Variants in PKP1 observed in about 807,000 individuals in gnomAD.
The protein encoded by PKP1 is plakophilin 1, also known as plakophilin-1.
PKP1 carries 27 observed loss-of-function variants against 76.4 expected under a neutral mutation model. The ratio of observed to expected loss-of-function variants is 0.35; its 90% CI spans 0.26 to 0.49. The LOEUF is 0.49. Among genes scored for constraint, PKP1 ranks in the 20% least tolerant of loss-of-function variants. The probability of loss-of-function intolerance (pLI) is 0.99; values close to 1 mark genes in which losing one functional copy is unlikely to be tolerated. For synonymous variants in PKP1, 404 were observed against 384.2 expected, an observed-to-expected ratio of 1.05 and a Z score of -0.60; for missense variants, 964 against 955.2, an observed-to-expected ratio of 1.01 and a Z score of -0.12.
intron 12 of PKP1, among the ~76,000 whole-genome samples, chr1:201,327,304 G>A (rs1330547862): frequency 1.3e-5 from 2 of 152,182 alleles, no homozygotes; most frequent in African/African-American, 2.4e-5. Context: ...GATTGGTTGA[G>A]CAGCGTGGGG....
intron 2 of PKP1, among the ~76,000 whole-genome samples, chr1:201,294,494 G>T (rs1423796424): frequency 1.3e-5 from 2 of 152,152 alleles, no homozygotes; most frequent in Non-Finnish European, 2.9e-5. Context: ...GACACTGCAT[G>T]CTAGAGTGGA....
rs370458237 is a variant in PKP1, at chr1:201,316,702, C to G, written c.846+5C>G. 85 of 1,613,464 alleles carry G rather than the reference C, an allele frequency of 5.3e-5. No individual in the cohort carries two copies. Among genetic ancestry groups the G allele is most frequent in the Non-Finnish European group, 7.0e-5 (83 of 1,180,002 alleles). On this transcript the variant is annotated splice_donor_5th_base_variant and intron_variant, in intron 4 of 13. Transcript: ENST00000367324. ...GATGAATCTGCCAAGCAACAGGTAG[C>G]TGGTTGCATACCTTCCTCCTTGGTG...
chr1:201,326,611 C>T (rs1028365396), intron 12 of PKP1, among the ~76,000 whole-genome samples: 4 of 152,198 alleles, frequency 2.6e-5, no homozygotes, highest in Non-Finnish European at 5.9e-5. Flanking sequence ...TGAGGAGAGC[C>T]TGAGAAGGCT....
chr1:201,298,370 G>T (rs111784442), intron 2 of PKP1, among the ~76,000 whole-genome samples: 2 of 152,168 alleles, frequency 1.3e-5, no homozygotes, highest in Admixed American at 6.5e-5. Context: ...TGATTTCCAG[G>T]GAATGGTTCT....
intron 1 of PKP1, among the ~76,000 whole-genome samples, chr1:201,291,512 T>C (rs1474348165): frequency 6.6e-6 from 1 of 151,894 alleles, no homozygotes; most frequent in Non-Finnish European, 1.5e-5. Flanking sequence ...GAGGAGATGG[T>C]TAGTCTGATG....
In PKP1 at chr1:201,283,735, G is replaced by T. The variant is rs1409504390; in HGVS notation, c.33G>T (p.Ala11=). 6.2e-7 allele frequency: 1 copy of T among 1,614,074 alleles called. No homozygotes were observed. The highest frequency in any genetic ancestry group is 2.2e-5 in the East Asian group (1 of 44,872). MNHSPLKTAL[A]YECFQDQDNS... is the part of the protein sequence containing the mutation. ...ACTCGCCGCTCAAGACCGCCTTGGC[G>T]TACGAATGCTTCCAGGACCAGGACA... is the stretch of plus-strand genomic sequence containing the variant. The change falls in exon 1 of 14, where the codon GCG becomes GCT. Residue 11 remains alanine, a synonymous_variant. Transcript: ENST00000367324.
At chr1:201,301,732 T>C (rs1656236073) in intron 2 of PKP1, among the ~76,000 whole-genome samples, 1 of 144,128 alleles carries the variant, frequency 6.9e-6, no homozygotes, top group Non-Finnish European at 1.5e-5. Context: ...CATTTTGGGC[T>C]TTTTTTTTTT....
intron 2 of PKP1, among the ~76,000 whole-genome samples, chr1:201,310,376 G>C (rs1358153779): frequency 6.6e-6 from 1 of 152,234 alleles, no homozygotes; most frequent in African/African-American, 2.4e-5. Flanking sequence ...CCACCCATTG[G>C]GCAACGACAA....
At chr1:201,312,305 T>C (rs899695467) in intron 2 of PKP1, among the ~76,000 whole-genome samples, 11 of 152,154 alleles carry the variant, frequency 7.2e-5, no homozygotes, top group Non-Finnish European at 1.3e-4. Flanking sequence ...CTGGCCAGAA[T>C]AGAAGTTTCT....
chr1:201,304,564 T>G (rs1396090142), intron 2 of PKP1, among the ~76,000 whole-genome samples: 1 of 152,206 alleles, frequency 6.6e-6, no homozygotes, highest in Non-Finnish European at 1.5e-5. Context: ...AACTACACAC[T>G]TCTTAAATGT....
At chr1:201,286,104 TG>T (rs1383146217) in intron 1 of PKP1, among the ~76,000 whole-genome samples, 1 of 152,220 alleles carries the variant, frequency 6.6e-6, no homozygotes, top group African/African-American at 2.4e-5. Flanking sequence ...GTCCCCTATT[TG>T]CTCTGCGGCC....
At chr1:201,324,727 G>GCTCCCTTCTCCTGTCTCC in intron 10 of PKP1, 146 bp downstream of exon 10, 2 of 1,141,922 alleles carry the variant, frequency 1.8e-6, no homozygotes, top group Non-Finnish European at 2.6e-6. Flanking sequence ...ATGGAGACAG[G>GCTCCCTTCTCCTGTCTCC]AGAAGGGAGC....
chr1:201,303,618 G>GTTTT (rs1656294968), intron 2 of PKP1, among the ~76,000 whole-genome samples: 1 of 152,074 alleles, frequency 6.6e-6, no homozygotes, highest in Non-Finnish European at 1.5e-5. Context: ...TTGTTTGTTT[G>GTTTT]TTTGTTTTAT....
At position 201,294,054 on chromosome 1, in the gene PKP1, C is replaced by T. The variant is rs748739962; in HGVS notation, c.306+9C>T. ...GCTCATGGGGATATCCGGTAAGGAA[C>T]TGCTTCCATCCTAAAAGACCTGGAG... is the stretch of plus-strand genomic sequence containing the variant. On this transcript the variant is annotated intron_variant, in intron 2 of 13. Coordinates refer to ENST00000367324, the MANE Select transcript of PKP1 (RefSeq NM_001005337.3). 1 of 1,568,574 alleles carries T rather than the reference C, an allele frequency of 6.4e-7. No homozygotes were observed. The highest frequency in any genetic ancestry group is 2.2e-5 in the East Asian group (1 of 44,656).
At chr1:201,307,501 C>G (rs1475137733) in intron 2 of PKP1, among the ~76,000 whole-genome samples, 5 of 152,190 alleles carry the variant, frequency 3.3e-5, no homozygotes, top group African/African-American at 9.7e-5. Flanking sequence ...AGATTCTCGA[C>G]CGCCTGGAGC....
At position 201,293,915 on chromosome 1, in the gene PKP1, G is replaced by C. The variant is rs367550513; in HGVS notation, c.203-27G>C. 13 of 1,487,104 alleles carry C rather than the reference G, an allele frequency of 8.7e-6. No individual in the cohort carries two copies. In the African/African-American group the frequency reaches 1.4e-4, roughly 16 times the overall value. 92.1% of individuals were successfully genotyped at this position (1,487,104 alleles called of 1,614,324 possible). ...GTGGATGAAGATCATGGCCATCCCT[G>C]TCCTAATCCCCTCCTTTCTCCTCTA... is the stretch of plus-strand genomic sequence containing the variant. On this transcript the variant is annotated intron_variant, in intron 1 of 13. Coordinates refer to ENST00000367324, the MANE Select transcript of PKP1 (RefSeq NM_001005337.3).
At chr1:201,299,763 C>T (rs996181268) in intron 2 of PKP1, among the ~76,000 whole-genome samples, 2 of 152,374 alleles carry the variant, frequency 1.3e-5, no homozygotes, top group Admixed American at 1.3e-4. Context: ...ACTTTAGCTT[C>T]ACAGACAGGG....
chr1:201,324,906 T>C lies in PKP1; in HGVS notation c.1835-35T>C, dbSNP rs1553275984. The C allele has an allele frequency of 5.0e-6, 8 of 1,600,910 alleles. No individual in the cohort carries two copies. The South Asian group carries it at 8.9e-5, about 18-fold the overall frequency. On this transcript the variant is annotated intron_variant, in intron 10 of 13. Transcript: ENST00000367324. ...CCCTCAGCCCTTCCTTCCCCAGTCA[T>C]CCTGACCCTGTGCCCCAACTCGTTC... is the stretch of plus-strand genomic sequence containing the variant.
At chr1:201,310,566 G>A (rs764646123) in intron 2 of PKP1, among the ~76,000 whole-genome samples, 1 of 152,246 alleles carries the variant, frequency 6.6e-6, no homozygotes, top group South Asian at 2.1e-4. Flanking sequence ...GAGAGCTGGT[G>A]GCAGTTCACC....
Sources: gnomAD v4.1 joint callset for allele counts (sites outside exome capture counted in the v4.1 genomes callset) on GRCh38, gnomAD v4.1.1 for gene constraint, MANE v1.5 for transcripts, NCBI Gene and HGNC (gene_info 2026-07-23, HGNC 2026-07-21) for gene names.